CNTN5: variants seen among roughly 807,000 people sequenced by gnomAD.
CNTN5 encodes contactin 5.
CNTN5 carries 77 observed loss-of-function variants against 129.1 expected under a neutral mutation model. The ratio of observed to expected loss-of-function variants is 0.60; its 90% CI spans 0.50 to 0.72. CNTN5 has a LOEUF of 0.72. Ranked by LOEUF, CNTN5 falls within the 30% of genes least tolerant of loss-of-function variation. The pLI is 0.00. For synonymous variants in CNTN5, 509 were observed against 465.6 expected (o/e 1.09, Z -1.20); for missense variants, 1,478 against 1,328.8 (o/e 1.11, Z -1.75).
intron 8 of CNTN5, among the ~76,000 whole-genome samples, chr11:99,987,569 A>G (rs1431704292): frequency 1.3e-5 from 2 of 151,230 alleles, no homozygotes; most frequent in African/African-American, 4.8e-5. Flanking sequence ...ACATACATAT[A>G]TGCACAGAGA....
At chr11:99,471,093 C>A (rs1945153610) in intron 2 of CNTN5, among the ~76,000 whole-genome samples, 1 of 151,520 alleles carries the variant, frequency 6.6e-6, no homozygotes, top group Admixed American at 6.6e-5. Context: ...ATTTCACAAA[C>A]TTTCCAGATA....
chr11:99,210,487 A>T (rs754951537), intron 1 of CNTN5, among the ~76,000 whole-genome samples: 2 of 152,150 alleles, frequency 1.3e-5, no homozygotes, highest in African/African-American at 4.8e-5. Context: ...GACTCAGCAG[A>T]AAAAGGTCCT....
intron 6 of CNTN5, among the ~76,000 whole-genome samples, chr11:99,884,610 C>T (rs1224289996): frequency 2.0e-5 from 3 of 152,118 alleles, no homozygotes; most frequent in African/African-American, 7.2e-5. Context: ...TACTGAGCAA[C>T]ATGAATAATA....
chr11:100,188,519 CA>C (rs2138489819), intron 13 of CNTN5, among the ~76,000 whole-genome samples: 1 of 152,144 alleles, frequency 6.6e-6, no homozygotes, highest in East Asian at 1.9e-4. Context: ...CAGAGAAATG[CA>C]AATCAAAGCC....
At chr11:99,595,274 G>A (rs61911120) in intron 3 of CNTN5, among the ~76,000 whole-genome samples, 1 of 151,844 alleles carries the variant, frequency 6.6e-6, no homozygotes, top group Non-Finnish European at 1.5e-5. Flanking sequence ...CACCAATTTG[G>A]TCATTATACT....
chr11:99,387,963 T>A (rs1026634964), intron 2 of CNTN5, among the ~76,000 whole-genome samples: 3 of 91,726 alleles, frequency 3.3e-5, no homozygotes, highest in Admixed American at 3.3e-4. Flanking sequence ...TGTATCAAAA[T>A]TTTTTTAAGC....
At chr11:99,556,040 G>T in intron 2 of CNTN5, 105 bp from the exon 3 acceptor site, 1 of 436,014 alleles carries the variant, frequency 2.3e-6, no homozygotes, top group Non-Finnish European at 4.2e-6. Context: ...TGCACTAATG[G>T]TTATTTATCA....
At chr11:99,776,310 G>A (rs933797898) in intron 3 of CNTN5, among the ~76,000 whole-genome samples, 1 of 151,904 alleles carries the variant, frequency 6.6e-6, no homozygotes, top group Non-Finnish European at 1.5e-5. Flanking sequence ...AATGTCAGGA[G>A]AGCTTTTCAG....
At chr11:100,248,382 A>T (rs34062584) in intron 16 of CNTN5, among the ~76,000 whole-genome samples, 32 of 151,958 alleles carry the variant, frequency 2.1e-4, no homozygotes, top group Non-Finnish European at 4.0e-4. Flanking sequence ...CCATCTCTAT[A>T]AAAAAATTAA....
chr11:100,025,671 A>G (rs1057287394), intron 9 of CNTN5, among the ~76,000 whole-genome samples: 7 of 152,224 alleles, frequency 4.6e-5, no homozygotes, highest in South Asian at 2.1e-4. Context: ...TTGCTTCAGC[A>G]TGACCTGGAA....
chr11:100,201,277 G>A (rs1386175432), intron 15 of CNTN5, among the ~76,000 whole-genome samples: 4 of 151,754 alleles, frequency 2.6e-5, no homozygotes, highest in Non-Finnish European at 5.9e-5. Flanking sequence ...ACATTGAAGA[G>A]CAATCAATGG....
At chr11:99,439,667 C>G (rs1943741454) in intron 2 of CNTN5, among the ~76,000 whole-genome samples, 1 of 136,406 alleles carries the variant, frequency 7.3e-6, no homozygotes, top group Non-Finnish European at 1.5e-5. Flanking sequence ...AAGATTGCGC[C>G]ACTGCACCCC....
intron 3 of CNTN5, among the ~76,000 whole-genome samples, chr11:99,754,007 C>A (rs972337343): frequency 1.3e-5 from 2 of 149,892 alleles, no homozygotes; most frequent in Non-Finnish European, 1.5e-5. Flanking sequence ...AAATAAATAA[C>A]AACAACAAAA....
chr11:100,340,684 A>G, intron 22 of CNTN5, 35 bp downstream of exon 22: 1 of 1,543,450 alleles, frequency 6.5e-7, no homozygotes, highest in Non-Finnish European at 8.7e-7. Context: ...GTTTCAGACA[A>G]AGGGGAAACA....
chr11:100,303,886 A>G (rs1951287465), intron 20 of CNTN5, among the ~76,000 whole-genome samples: 1 of 151,692 alleles, frequency 6.6e-6, no homozygotes, highest in South Asian at 2.1e-4. Context: ...TATTTGGATT[A>G]GTGCCTATAA....
At chr11:99,332,424 A>G (rs1216305494) in intron 2 of CNTN5, among the ~76,000 whole-genome samples, 3 of 152,070 alleles carry the variant, frequency 2.0e-5, no homozygotes, top group African/African-American at 7.2e-5. Flanking sequence ...TCTTATACCA[A>G]TCTGTGCCCC....
At chr11:99,497,118 A>G (rs34590072) in intron 2 of CNTN5, among the ~76,000 whole-genome samples, 25,845 of 152,178 alleles carry the variant, frequency 0.17, 2,515 homozygotes, top group East Asian at 0.4. Flanking sequence ...GGCATACCAC[A>G]TGAAAGCATT....
chr11:99,868,191 G>C (rs1948406223), intron 6 of CNTN5, among the ~76,000 whole-genome samples: 1 of 151,298 alleles, frequency 6.6e-6, no homozygotes, highest in African/African-American at 2.4e-5. Flanking sequence ...ACTCCAGCCT[G>C]GGCAACAAGA....
chr11:99,310,097 G>A (rs10893091), intron 1 of CNTN5, among the ~76,000 whole-genome samples: 22,403 of 152,068 alleles, frequency 0.15, 1,878 homozygotes, highest in South Asian at 0.25. Context: ...ATAATTAAAT[G>A]CAAAATTATA....
Sources: gnomAD v4.1 joint callset for allele counts (sites outside exome capture counted in the v4.1 genomes callset) on GRCh38, gnomAD v4.1.1 for gene constraint, MANE v1.5 for transcripts, NCBI Gene and HGNC (gene_info 2026-07-23, HGNC 2026-07-21) for gene names.